Variants in RAD54L observed in about 807,000 individuals in gnomAD.
RAD54L encodes the protein RAD54 like.
RAD54L carries 74 observed loss-of-function variants against 91.6 expected under a neutral mutation model. The ratio of observed to expected loss-of-function variants is 0.81; its 90% CI spans 0.67 to 0.98. The LOEUF is 0.98. Ranked by LOEUF, RAD54L falls within the 50% of genes least tolerant of loss-of-function variation. The pLI, the probability that RAD54L is intolerant of heterozygous loss-of-function variation, is 0.00. For synonymous variants in RAD54L, 304 were observed against 349.7 expected (o/e 0.87, Z 1.46); for missense variants, 887 against 945.7 (o/e 0.94, Z 0.81).
At chr1:46,277,351 T>C (rs1444602851) in intron 16 of RAD54L, 1 of 222,454 alleles carries the variant, frequency 4.5e-6, no homozygotes, top group Non-Finnish European at 9.0e-6. Flanking sequence ...GCAGTTACCC[T>C]GTATAGATTT....
At position 46,277,902 on chromosome 1, in the gene RAD54L, T is replaced by C; in HGVS notation, c.1955T>C (p.Val652Ala). Residue 652 changes from valine to alanine, a missense_variant, in exon 17 of 18, where the codon GTA (valine) becomes GCA (alanine). Val to Ala is a moderately conservative substitution (Grantham distance 64). Transcript: ENST00000371975. ...TGTGTGGTGGATGAGGAGCAGGATG[T>C]AGAGCGCCACTTCTCTCTGGGCGAG... ...SSCVVDEEQD[V>A]ERHFSLGELK... 1 of 1,614,114 alleles carries C rather than the reference T, an allele frequency of 6.2e-7. No homozygotes were observed. Among genetic ancestry groups the C allele is most frequent in the East Asian group, 2.2e-5 (1 of 44,888 alleles).
chr1:46,277,730 G>GT, intron 16 of RAD54L, 87 bp from the exon 17 acceptor site: 1 of 1,455,604 alleles, frequency 6.9e-7, no homozygotes, highest in Non-Finnish European at 9.6e-7. Context: ...GGTAGCTGTA[G>GT]TTTCAACCCT....
intron 9 of RAD54L, among the ~76,000 whole-genome samples, chr1:46,268,904 T>C (rs1569600165): frequency 6.6e-6 from 1 of 151,950 alleles, no homozygotes; most frequent in Admixed American, 6.5e-5. Context: ...TAGCTGGGAC[T>C]ACAGGCATAT....
At chr1:46,261,892 G>A (rs1173985160) in intron 8 of RAD54L, among the ~76,000 whole-genome samples, 1 of 152,022 alleles carries the variant, frequency 6.6e-6, no homozygotes, top group Non-Finnish European at 1.5e-5. Context: ...CTTTTTGAGA[G>A]GCTGAGGTGA....
chr1:46,258,063 A>G (rs1312553747), intron 3 of RAD54L, among the ~76,000 whole-genome samples: 2 of 152,096 alleles, frequency 1.3e-5, no homozygotes, highest in African/African-American at 4.8e-5. Flanking sequence ...TTTAAAATAG[A>G]GATGGGGTCT....
chr1:46,261,194 TG>T (rs1231487297), intron 7 of RAD54L, 66 bp from the exon 8 acceptor site: 12 of 1,592,912 alleles, frequency 7.5e-6, no homozygotes, highest in Middle Eastern at 1.7e-4. Context: ...ACTGTCTAAT[TG>T]TTTTTTTTGT....
At chr1:46,266,270 A>C (rs1328456101) in intron 8 of RAD54L, among the ~76,000 whole-genome samples, 1 of 152,218 alleles carries the variant, frequency 6.6e-6, no homozygotes, top group Admixed American at 6.5e-5. Context: ...AAGGGCTTTG[A>C]ATGCTAAGCT....
Position 46,260,851 on chromosome 1 carries a change from TA to T in RAD54L, c.603del (p.Leu201PhefsTer23), listed in dbSNP as rs748539578. On this transcript the variant is annotated frameshift_variant, in exon 7 of 18. Transcript: ENST00000371975. LOFTEE classifies it high-confidence loss of function. The stretch of plus-strand genomic sequence containing the variant: ...TGCATCACATTGATGTGGACACTTT[TA>T]CGCCAGAGTCCAGAGTGCAAGCCAG... ...LQCITLMWTL[L>X]RQSPECKPEI... 3 of 1,614,240 alleles carry T rather than the reference TA, an allele frequency of 1.9e-6. No homozygotes were observed. The highest frequency in any genetic ancestry group is 3.3e-4 in the Middle Eastern group (2 of 6,062).
Position 46,273,659 on chromosome 1 carries a change from AC to A in RAD54L, c.1525del (p.Arg509GlufsTer8). On this transcript the variant is annotated frameshift_variant, in exon 14 of 18. Transcript: ENST00000371975. LOFTEE classifies it high-confidence loss of function. ...MLVLDYILAV[T>X]RSRSSDKVVL... ...GGTCCTGGATTATATTCTGGCGGTG[AC>A]CCGAAGCCGTAGCAGTGACAAAGTA... 6.2e-7 allele frequency: 1 copy of A among 1,613,840 alleles called. No homozygotes were observed. The highest frequency in any genetic ancestry group is 8.5e-7 in the Non-Finnish European group (1 of 1,180,000).
At chr1:46,262,224 T>C (rs1660148883) in intron 8 of RAD54L, among the ~76,000 whole-genome samples, 1 of 151,734 alleles carries the variant, frequency 6.6e-6, no homozygotes, top group Non-Finnish European at 1.5e-5. Flanking sequence ...CCAGCCAAGA[T>C]GGTGAAACCG....
intron 15 of RAD54L, 109 bp from the exon 16 acceptor site, chr1:46,274,429 C>T: frequency 1.4e-6 from 2 of 1,387,578 alleles, no homozygotes; most frequent in South Asian, 1.2e-5. Context: ...GTGGTTTTCA[C>T]AATTGGTACT....
At chr1:46,258,627 G>T (rs1660007627) in intron 3 of RAD54L, 59 bp from the exon 4 acceptor site, 2 of 1,258,620 alleles carry the variant, frequency 1.6e-6, no homozygotes, top group South Asian at 1.2e-5. Context: ...AGCATATCAT[G>T]ATATTGTCCC....
At chr1:46,261,081 T>C in intron 7 of RAD54L, 66 bp downstream of exon 7, 1 of 1,581,106 alleles carries the variant, frequency 6.3e-7, no homozygotes, top group Non-Finnish European at 8.6e-7. Flanking sequence ...ACGTGTATGC[T>C]CATTTATGGC....
At chr1:46,249,361 G>A (rs1659738244) in intron 2 of RAD54L, among the ~76,000 whole-genome samples, 2 of 152,210 alleles carry the variant, frequency 1.3e-5, no homozygotes, top group South Asian at 4.1e-4. Flanking sequence ...GTACAAGTGT[G>A]TTCTTGCCTA....
At position 46,250,040 on chromosome 1, in the gene RAD54L, A is replaced by C. The variant is rs757536624; in HGVS notation, c.131A>C (p.Gln44Pro). The stretch of plus-strand genomic sequence containing the variant: ...AAATCCAGCAGTGAGACCCAGATCC[A>C]GGAGTGTTTCCTGTCTCCTTTTCGG... Reference protein sequence around the residue: ...KRKSSSETQIQECFLSPFRKP... With the variant: ...KRKSSSETQIPECFLSPFRKP... Residue 44 changes from glutamine to proline, a missense_variant, in exon 3 of 18, where the codon CAG becomes CCG. Gln to Pro is a moderately conservative substitution (Grantham distance 76). Coordinates refer to ENST00000371975, the MANE Select transcript of RAD54L (RefSeq NM_003579.4). 1 of 1,614,064 alleles carries C rather than the reference A, an allele frequency of 6.2e-7. No individual in the cohort carries two copies. The highest frequency in any genetic ancestry group is 2.2e-5 in the East Asian group (1 of 44,882).
chr1:46,249,866 A>C, intron 2 of RAD54L, 134 bp from the exon 3 acceptor site: 4 of 930,816 alleles, frequency 4.3e-6, no homozygotes, highest in South Asian at 2.8e-5. Flanking sequence ...AGTTGCTATG[A>C]AGATGATACA....
intron 4 of RAD54L, among the ~76,000 whole-genome samples, chr1:46,259,501 C>G (rs28363212): frequency 0.053 from 8,009 of 152,058 alleles, 392 homozygotes; most frequent in African/African-American, 0.12. Context: ...GGCTGGGCAT[C>G]GTGGCTCACG....
chr1:46,250,053 G>T lies in RAD54L; in HGVS notation c.144G>T (p.Leu48=), dbSNP rs114069917. 103 of 1,614,064 alleles carry T rather than the reference G, an allele frequency of 6.4e-5. No homozygotes were observed. The African/African-American group carries it at 1.3e-3, about 21-fold the overall frequency. The change falls in exon 3 of 18, where the codon CTG becomes CTT. Residue 48 remains leucine (L), a synonymous_variant. Coordinates refer to ENST00000371975, the MANE Select transcript of RAD54L (RefSeq NM_003579.4). Reference sequence around the variant, plus strand: ...AGACCCAGATCCAGGAGTGTTTCCTGTCTCCTTTTCGGAAACCTTTGAGTC... The same window carrying T: ...AGACCCAGATCCAGGAGTGTTTCCTTTCTCCTTTTCGGAAACCTTTGAGTC... ...SSETQIQECF[L]SPFRKPLSQL... is the part of the protein sequence containing the mutation.
intron 3 of RAD54L, among the ~76,000 whole-genome samples, chr1:46,250,332 A>G (rs750071444): frequency 1.3e-5 from 2 of 152,178 alleles, no homozygotes; most frequent in Non-Finnish European, 2.9e-5. Context: ...GGCACCAGAT[A>G]TCAGATGGTT....
Sources: gnomAD v4.1 joint callset for allele counts (sites outside exome capture counted in the v4.1 genomes callset) on GRCh38, gnomAD v4.1.1 for gene constraint, MANE v1.5 for transcripts, NCBI Gene and HGNC (gene_info 2026-07-23, HGNC 2026-07-21) for gene names.